Variants in MYO16 observed in about 807,000 individuals in gnomAD.
MYO16 encodes the protein unconventional myosin-XVI.
MYO16 carries 94 observed loss-of-function variants against 205.3 expected under a neutral mutation model. The observed-to-expected ratio is 0.46, with a 90% confidence interval of 0.39 to 0.54. The LOEUF (loss-of-function observed/expected upper bound fraction) is 0.54, where lower values mean the gene tolerates loss of function less well. MYO16 is among the 20% of genes least tolerant of loss of function. MYO16 has a pLI of 0.00. For missense variants in MYO16, 2,315 were observed against 2,387.5 expected (o/e 0.97, Z 0.63); for synonymous variants, 988 against 954.0 (o/e 1.04, Z -0.66).
intron 16 of MYO16, among the ~76,000 whole-genome samples, chr13:108,945,259 A>G (rs897759881): frequency 4.6e-5 from 7 of 152,180 alleles, no homozygotes; most frequent in Non-Finnish European, 8.8e-5. Flanking sequence ...TTTTTAATGT[A>G]AATGTATGAT....
chr13:108,856,238 ACACAGAG>A (rs1382776126), intron 11 of MYO16, among the ~76,000 whole-genome samples: 1 of 152,190 alleles, frequency 6.6e-6, no homozygotes, highest in African/African-American at 2.4e-5. Flanking sequence ...GTTATATTCT[ACACAGAG>A]CACAGAGTAA....
intron 11 of MYO16, among the ~76,000 whole-genome samples, chr13:108,865,145 A>AC (rs1339040614): frequency 6.6e-6 from 1 of 152,168 alleles, no homozygotes. Context: ...GTTTAATGAA[A>AC]CAAGCCAGTG....
chr13:108,505,169 C>G, the MYO16 span, among the ~76,000 whole-genome samples: 2 of 152,072 alleles, frequency 1.3e-5, no homozygotes, highest in African/African-American at 4.8e-5. Context: ...TGGATTAAAA[C>G]CCAAAGAAGT....
chr13:108,643,146 T>A (rs1274925252), intron 1 of MYO16, among the ~76,000 whole-genome samples: 1 of 152,224 alleles, frequency 6.6e-6, no homozygotes, highest in Non-Finnish European at 1.5e-5. Flanking sequence ...CCTTGTGTCC[T>A]TTATAGTCAA....
intron 22 of MYO16, among the ~76,000 whole-genome samples, chr13:109,012,437 C>T (rs1221684278): frequency 6.6e-5 from 10 of 152,176 alleles, no homozygotes; most frequent in Admixed American, 5.2e-4. Flanking sequence ...AGGGATCTAG[C>T]TGCACACTCC....
chr13:108,614,950 G>T (rs1879300046), intron 1 of MYO16, among the ~76,000 whole-genome samples: 1 of 145,474 alleles, frequency 6.9e-6, no homozygotes, highest in Non-Finnish European at 1.5e-5. Context: ...GACAAAAATG[G>T]TAATTTGAGC....
intron 9 of MYO16, among the ~76,000 whole-genome samples, chr13:108,831,982 G>T (rs888575642): frequency 6.6e-6 from 1 of 152,122 alleles, no homozygotes; most frequent in African/African-American, 2.4e-5. Context: ...GAGGTGGGCA[G>T]CCTAAAGGAA....
chr13:108,665,330 T>C (rs934868691), intron 1 of MYO16, among the ~76,000 whole-genome samples: 7 of 152,150 alleles, frequency 4.6e-5, no homozygotes, highest in Admixed American at 6.5e-5. Flanking sequence ...CAGGCAAGTC[T>C]TAAACTCCTG....
intron 22 of MYO16, among the ~76,000 whole-genome samples, chr13:109,010,566 T>C (rs149587898): frequency 6.6e-4 from 101 of 152,262 alleles, no homozygotes; most frequent in African/African-American, 2.4e-3. Flanking sequence ...GTTACTGCAA[T>C]ATCCATTGAC....
chr13:108,730,087 A>G (rs1032462856), intron 4 of MYO16, among the ~76,000 whole-genome samples: 1 of 152,206 alleles, frequency 6.6e-6, no homozygotes, highest in Non-Finnish European at 1.5e-5. Context: ...CACAGGTAGC[A>G]TATGATAAGG....
chr13:109,109,653 G>A (rs981613003), intron 28 of MYO16, among the ~76,000 whole-genome samples: 1 of 152,128 alleles, frequency 6.6e-6, no homozygotes, highest in Non-Finnish European at 1.5e-5. Context: ...CCTGAAGGTG[G>A]AATCTCTTTT....
intron 16 of MYO16, among the ~76,000 whole-genome samples, chr13:108,924,720 A>T (rs568625425): frequency 6.6e-6 from 1 of 152,208 alleles, no homozygotes; most frequent in East Asian, 1.9e-4. Flanking sequence ...GCCTGTGCAC[A>T]CCCACAGGGG....
intron 12 of MYO16, among the ~76,000 whole-genome samples, chr13:108,869,551 C>A (rs1202833782): frequency 7.3e-6 from 1 of 136,908 alleles, no homozygotes; most frequent in African/African-American, 2.8e-5. Flanking sequence ...GATGAAACCC[C>A]GTCTCTACTA....
At chr13:109,044,904 G>T (rs550157909) in intron 23 of MYO16, among the ~76,000 whole-genome samples, 2 of 152,194 alleles carry the variant, frequency 1.3e-5, no homozygotes, top group African/African-American at 4.8e-5. Context: ...TGGTCAGGCT[G>T]GTCTCAAACT....
intron 28 of MYO16, among the ~76,000 whole-genome samples, chr13:109,111,171 A>G (rs1023473060): frequency 2.0e-5 from 3 of 152,184 alleles, no homozygotes; most frequent in Non-Finnish European, 4.4e-5. Flanking sequence ...ACATGTAGAA[A>G]TGTTGGGATT....
chr13:108,691,902 A>C (rs1882911245), intron 2 of MYO16, among the ~76,000 whole-genome samples: 1 of 152,174 alleles, frequency 6.6e-6, no homozygotes, highest in Non-Finnish European at 1.5e-5. Context: ...AATCTTTAGG[A>C]AACAATTCTC....
intron 2 of MYO16, among the ~76,000 whole-genome samples, chr13:108,694,556 G>C (rs1023539381): frequency 2.6e-5 from 4 of 151,550 alleles, no homozygotes; most frequent in African/African-American, 9.7e-5. Context: ...GTCTATTTTT[G>C]TTTGACTTTT....
intron 9 of MYO16, among the ~76,000 whole-genome samples, chr13:108,843,656 T>A (rs1877364391): frequency 6.6e-6 from 1 of 152,194 alleles, no homozygotes; most frequent in South Asian, 2.1e-4. Flanking sequence ...GGCACATTTT[T>A]AAATCTTAGT....
intron 27 of MYO16, among the ~76,000 whole-genome samples, chr13:109,056,874 A>G (rs950987243): frequency 2.0e-5 from 3 of 152,168 alleles, no homozygotes; most frequent in African/African-American, 7.2e-5. Flanking sequence ...ACTGATGTAA[A>G]CTAATATAAG....
Sources: allele counts gnomAD v4.1 joint callset (sites outside exome capture counted in the v4.1 genomes callset), GRCh38; gene constraint gnomAD v4.1.1; transcripts MANE v1.5; gene names NCBI Gene and HGNC (gene_info 2026-07-23, HGNC 2026-07-21).